PRMT9: variants seen among roughly 807,000 people sequenced by gnomAD.
PRMT9 encodes the protein protein arginine methyltransferase 9, also known as protein arginine N-methyltransferase 9.
PRMT9 carries 59 observed loss-of-function variants against 83.2 expected under a neutral mutation model. The ratio of observed to expected loss-of-function variants is 0.71; its 90% CI spans 0.57 to 0.88. The LOEUF is 0.88. PRMT9 is among the 40% of genes least tolerant of loss of function. The pLI, the probability that PRMT9 is intolerant of heterozygous loss-of-function variation, is 0.00. For missense variants in PRMT9, 947 were observed against 1,021.9 expected (o/e 0.93, Z 1.00); for synonymous variants, 333 against 353.2 (o/e 0.94, Z 0.64).
In PRMT9 at chr4:147,683,944, C is replaced by T. The variant is rs772930739; in HGVS notation, c.44G>A (p.Gly15Asp). ...CTCGTCCCGGCCGGCTGCCCCAGCG[C>T]CACCCCCGGCGTCTCGGCGGGACCT... ...RPRSRRDAGG[G>D]AGAAGRDELV... The change falls in exon 1 of 12, where the codon GGC becomes GAC. Residue 15 changes from glycine to aspartate, a missense_variant. By Grantham distance (94) the Gly-to-Asp change is moderately conservative. Coordinates refer to ENST00000322396, the MANE Select transcript of PRMT9 (RefSeq NM_138364.4). 1.3e-5 allele frequency: 21 copies of T among 1,612,912 alleles called. No individual in the cohort carries two copies. The South Asian group carries it at 2.3e-4, about 18-fold the overall frequency.
At chr4:147,644,892 TTCA>T (rs1733635943) in intron 9 of PRMT9, among the ~76,000 whole-genome samples, 2 of 152,212 alleles carry the variant, frequency 1.3e-5, no homozygotes, top group Non-Finnish European at 2.9e-5. Context: ...AATAATTATT[TTCA>T]TTTGCCACAT....
At chr4:147,676,546 A>G (rs965457132) in intron 2 of PRMT9, among the ~76,000 whole-genome samples, 1 of 152,226 alleles carries the variant, frequency 6.6e-6, no homozygotes, top group African/African-American at 2.4e-5. Flanking sequence ...AGTAACCCTC[A>G]GTTAATTATC....
chr4:147,641,303 C>G (rs1012709499), intron 10 of PRMT9, among the ~76,000 whole-genome samples: 1 of 152,176 alleles, frequency 6.6e-6, no homozygotes, highest in East Asian at 1.9e-4. Flanking sequence ...CCCTAATACT[C>G]TGACTGCATC....
intron 6 of PRMT9, among the ~76,000 whole-genome samples, chr4:147,665,556 C>T (rs1361085267): frequency 6.6e-6 from 1 of 152,134 alleles, no homozygotes; most frequent in Non-Finnish European, 1.5e-5. Context: ...TTGAGCACTT[C>T]CTCACTTTCT....
chr4:147,683,769 T>G (rs1736666000), intron 1 of PRMT9, 30 bp downstream of exon 1: 1 of 1,361,250 alleles, frequency 7.3e-7, no homozygotes, highest in Non-Finnish European at 1.0e-6. Context: ...ACGTTGGATC[T>G]GCCAGCAAGT....
chr4:147,649,265 C>T (rs1292839365), intron 9 of PRMT9, among the ~76,000 whole-genome samples: 2 of 151,974 alleles, frequency 1.3e-5, no homozygotes, highest in African/African-American at 4.8e-5. Context: ...AACCCACTCC[C>T]ATGATAATGG....
At chr4:147,675,043 C>T (rs1199166575) in intron 2 of PRMT9, among the ~76,000 whole-genome samples, 4 of 152,064 alleles carry the variant, frequency 2.6e-5, no homozygotes, top group African/African-American at 4.8e-5. Flanking sequence ...TGCAATGGCA[C>T]GATCTCGGCT....
intron 9 of PRMT9, among the ~76,000 whole-genome samples, chr4:147,645,281 G>A (rs1733656629): frequency 6.6e-6 from 1 of 152,016 alleles, no homozygotes; most frequent in Admixed American, 6.5e-5. Flanking sequence ...TTACTAAACT[G>A]ATTATCTCAA....
chr4:147,644,274 T>TTTA (rs1339118459), intron 9 of PRMT9, among the ~76,000 whole-genome samples: 2 of 151,704 alleles, frequency 1.3e-5, no homozygotes, highest in Non-Finnish European at 2.9e-5. Flanking sequence ...TATTACTGAG[T>TTTA]GTAAGGTATA....
intron 9 of PRMT9, among the ~76,000 whole-genome samples, chr4:147,643,292 A>C (rs1733532286): frequency 6.6e-6 from 1 of 152,106 alleles, no homozygotes; most frequent in Non-Finnish European, 1.5e-5. Context: ...AAAACAAAAA[A>C]AAACCCTTTG....
At chr4:147,652,351 T>G (rs1734162761) in intron 9 of PRMT9, among the ~76,000 whole-genome samples, 1 of 152,030 alleles carries the variant, frequency 6.6e-6, no homozygotes, top group African/African-American at 2.4e-5. Flanking sequence ...TGTATTGTTA[T>G]GAAGGCAATT....
At chr4:147,647,053 G>A (rs1272414115) in intron 9 of PRMT9, among the ~76,000 whole-genome samples, 2 of 152,070 alleles carry the variant, frequency 1.3e-5, no homozygotes, top group Non-Finnish European at 2.9e-5. Flanking sequence ...CTTGTTCAGG[G>A]ACCAAAACAG....
rs186113919 is a variant in PRMT9 at position 147,639,333 on chromosome 4, C to T, written c.2200-251G>A. 8 of 412,982 alleles carry T rather than the reference C, an allele frequency of 1.9e-5. No homozygotes were observed. In the Admixed American group the frequency reaches 2.3e-4, roughly 12 times the overall value. The allele number at this position is 412,982 out of a possible 1,614,324, so 25.6% of individuals were successfully genotyped here. A position where few individuals can be genotyped will look rare whatever the true frequency, so the allele number is the denominator to read the frequency against. On this transcript the variant is annotated intron_variant, in intron 10 of 11. Coordinates refer to ENST00000322396, the MANE Select transcript of PRMT9 (RefSeq NM_138364.4). ...AGGTTTAGGCAGGTTAGATAATTTG[C>T]TCTGGTTTCCATTACCTGTAGATCT...
chr4:147,659,609 G>A (rs77618043), intron 7 of PRMT9, among the ~76,000 whole-genome samples: 2 of 90,224 alleles, frequency 2.2e-5, no homozygotes, highest in East Asian at 3.2e-4. Flanking sequence ...ACGGAGTTTC[G>A]CTCTTGTTGC....
intron 8 of PRMT9, among the ~76,000 whole-genome samples, chr4:147,656,816 T>C (rs908865529): frequency 4.7e-5 from 6 of 128,234 alleles, no homozygotes; most frequent in African/African-American, 1.4e-4. Flanking sequence ...AAAAAAGAAA[T>C]GAGGTCTTGC....
rs768326884 is a variant in PRMT9 at position 147,653,828 on chromosome 4, A to G, written c.2045+24T>C. On this transcript the variant is annotated intron_variant, in intron 9 of 11. Coordinates refer to ENST00000322396, the MANE Select transcript of PRMT9 (RefSeq NM_138364.4). Reference sequence around the variant, plus strand: ...CTGACCTCAAAAAAAAAACAAAGCCAAAAGTTATTATTTTGTGTTTTACCT... The same window carrying G: ...CTGACCTCAAAAAAAAAACAAAGCCGAAAGTTATTATTTTGTGTTTTACCT... 8 of 1,568,306 alleles carry G rather than the reference A, an allele frequency of 5.1e-6. No individual in the cohort carries two copies. The South Asian group carries it at 9.2e-5, about 18-fold the overall frequency.
At chr4:147,652,055 C>T (rs1029879599) in intron 9 of PRMT9, among the ~76,000 whole-genome samples, 8 of 151,996 alleles carry the variant, frequency 5.3e-5, no homozygotes, top group African/African-American at 1.7e-4. Flanking sequence ...GAAGAATTTG[C>T]AAATTCATGT....
intron 11 of PRMT9, 26 bp from the exon 12 acceptor site, chr4:147,638,773 A>G (rs1733179012): frequency 3.9e-6 from 6 of 1,539,928 alleles, no homozygotes; most frequent in Non-Finnish European, 5.4e-6. Flanking sequence ...AATTAGGAAA[A>G]TATCAGAGTG....
intron 9 of PRMT9, among the ~76,000 whole-genome samples, chr4:147,645,201 A>G (rs1733652569): frequency 6.6e-6 from 1 of 152,200 alleles, no homozygotes; most frequent in Non-Finnish European, 1.5e-5. Flanking sequence ...AAGCTATAAA[A>G]CACCCCATTC....
Sources: gnomAD v4.1 joint callset for allele counts (sites outside exome capture counted in the v4.1 genomes callset) on GRCh38, gnomAD v4.1.1 for gene constraint, MANE v1.5 for transcripts, NCBI Gene and HGNC (gene_info 2026-07-23, HGNC 2026-07-21) for gene names.